The following TRPC5 variants were observed in gnomAD, a reference collection of about 807,000 sequenced individuals.
The protein encoded by TRPC5 is transient receptor potential cation channel subfamily C member 5, also known as short transient receptor potential channel 5.
In TRPC5, 9 loss-of-function variants were observed where a neutral mutation model predicts 56.5. The ratio of observed to expected loss-of-function variants is 0.16; its 90% CI spans 0.10 to 0.28. The LOEUF (loss-of-function observed/expected upper bound fraction) is 0.28. Among genes scored for constraint, TRPC5 ranks in the 10% least tolerant of loss-of-function variants. The probability of loss-of-function intolerance (pLI) is 1.00; values close to 1 mark genes in which losing one functional copy is unlikely to be tolerated. For synonymous variants in TRPC5, 282 were observed against 278.5 expected, an observed-to-expected ratio of 1.01 and a Z score of -0.13; for missense variants, 469 against 748.9, an observed-to-expected ratio of 0.63 and a Z score of 4.36.
At chrX:112,060,886 A>G (rs1350716931) in intron 1 of TRPC5, among the ~76,000 whole-genome samples, 1 of 112,223 alleles carries the variant, frequency 8.9e-6, no homozygotes, top group Non-Finnish European at 1.9e-5. Context: ...TCCTCTGTGA[A>G]ATGGGGAAAA....
intron 1 of TRPC5, among the ~76,000 whole-genome samples, chrX:111,969,844 A>G (rs1927731433): frequency 9.0e-6 from 1 of 111,045 alleles, no homozygotes; most frequent in African/African-American, 3.3e-5. Flanking sequence ...TAGGCATTGA[A>G]GAGACACTCT....
intron 3 of TRPC5, among the ~76,000 whole-genome samples, chrX:111,886,078 G>A (rs749596050): frequency 5.6e-4 from 62 of 111,676 alleles, no homozygotes; most frequent in South Asian, 2.3e-3. Context: ...TCAGGGGTTC[G>A]AGAAAAGCCT....
At chrX:111,982,925 A>C (rs1225428574) in intron 1 of TRPC5, among the ~76,000 whole-genome samples, 2 of 111,150 alleles carry the variant, frequency 1.8e-5, no homozygotes, top group Non-Finnish European at 3.8e-5. Flanking sequence ...GCTGATTCAG[A>C]GCATATAGAC....
Position 111,974,413 on chromosome X carries a change from C to A in TRPC5, c.-21-21972G>T, listed in dbSNP as rs1236163925. 1.3e-4 allele frequency among the ~76,000 whole-genome samples: 14 copies of A among 111,060 alleles called. No homozygotes were observed. The Admixed American group carries it at 1.3e-3, about 11-fold the overall frequency. On this transcript the variant is annotated intron_variant, in intron 1 of 10. Transcript: ENST00000262839. ...CATAGGTATTAAGGAGAACATTAAT[C>A]TGTTCCCCCATAAAAGCAATGAGAA...
intron 7 of TRPC5, among the ~76,000 whole-genome samples, chrX:111,808,169 A>G (rs1297031533): frequency 9.2e-6 from 1 of 109,150 alleles, no homozygotes; most frequent in Non-Finnish European, 1.9e-5. Context: ...GGGCTCTACA[A>G]TCGGCAGGTG....
At chrX:111,873,232 A>C (rs1923815734) in intron 3 of TRPC5, among the ~76,000 whole-genome samples, 1 of 112,128 alleles carries the variant, frequency 8.9e-6, no homozygotes, top group Non-Finnish European at 1.9e-5. Context: ...GTAATTCCTA[A>C]GCAAACTAAC....
chrX:112,016,235 G>C (rs748504261), intron 1 of TRPC5, among the ~76,000 whole-genome samples: 66 of 111,100 alleles, frequency 5.9e-4, no homozygotes, highest in Non-Finnish European at 1.1e-3. Context: ...GGCGGCTCCT[G>C]CATTTGCCAT....
chrX:111,806,829 T>C (rs1026992778), intron 7 of TRPC5, among the ~76,000 whole-genome samples: 2 of 111,323 alleles, frequency 1.8e-5, no homozygotes, highest in African/African-American at 6.5e-5. Flanking sequence ...AGGATATTTT[T>C]TCACTGGGTA....
At position 111,846,934 on chromosome X, in the gene TRPC5, C is replaced by G. The variant is rs1194087579; in HGVS notation, c.1700+180G>C. The stretch of plus-strand genomic sequence containing the variant: ...TAACTTCACTTCATCCCCTAGTACC[C>G]TGTAGCAAGAGAAGAACATTCCTCC... On this transcript the variant is annotated intron_variant, in intron 6 of 10. Transcript: ENST00000262839. 3.6e-5 allele frequency among the ~76,000 whole-genome samples: 4 copies of G among 111,500 alleles called. No individual in the cohort carries two copies. In the Admixed American group the frequency reaches 3.8e-4, roughly 11 times the overall value.
intron 1 of TRPC5, among the ~76,000 whole-genome samples, chrX:112,051,220 G>T (rs1930203965): frequency 8.9e-6 from 1 of 112,226 alleles, no homozygotes; most frequent in Non-Finnish European, 1.9e-5. Flanking sequence ...CTCCTTCGAG[G>T]TTTCATTTCC....
intron 7 of TRPC5, among the ~76,000 whole-genome samples, chrX:111,788,616 G>T (rs1945990389): frequency 8.9e-6 from 1 of 111,814 alleles, no homozygotes; most frequent in Non-Finnish European, 1.9e-5. Context: ...AAATGAGGAA[G>T]TCAAATTGTC....
chrX:112,004,111 G>C (rs1440645510), intron 1 of TRPC5, among the ~76,000 whole-genome samples: 2 of 112,200 alleles, frequency 1.8e-5, no homozygotes, highest in African/African-American at 3.2e-5. Flanking sequence ...GAAGCTTAGT[G>C]ATTTTGCAGT....
chrX:112,034,530 T>A (rs1929677549), intron 1 of TRPC5, among the ~76,000 whole-genome samples: 1 of 110,998 alleles, frequency 9.0e-6, no homozygotes, highest in African/African-American at 3.3e-5. Context: ...TTTTTCTGCA[T>A]CATTTGAGAT....
chrX:111,776,699 C>T lies in TRPC5; in HGVS notation c.2536G>A (p.Gly846Ser). The change falls in exon 11 of 11, where the codon GGT becomes AGT. Residue 846 changes from glycine (G) to serine (S), a missense_variant. Gly to Ser is a moderately conservative substitution (Grantham distance 56). Coordinates refer to ENST00000262839, the MANE Select transcript of TRPC5 (RefSeq NM_012471.3). ...CCATTAAATTTGGAGAATAGGAGAC[C>T]CAGTTTCTTGAGAGAAGGACCCATG... ...SFMGPSLKKL[G>S]LLFSKFNGHM... 8.3e-7 allele frequency: 1 copy of T among 1,211,415 alleles called. No individual in the cohort carries two copies.
At chrX:111,963,228 A>G (rs1927443423) in intron 1 of TRPC5, among the ~76,000 whole-genome samples, 1 of 112,066 alleles carries the variant, frequency 8.9e-6, no homozygotes. Flanking sequence ...GCTGATTGCT[A>G]GCACAGCCAT....
At chrX:111,950,365 T>C (rs1457409654) in intron 2 of TRPC5, among the ~76,000 whole-genome samples, 2 of 110,655 alleles carry the variant, frequency 1.8e-5, no homozygotes, top group African/African-American at 3.3e-5. Context: ...TGCAGCAACC[T>C]GGATGAGACT....
rs1346981739 is a variant in TRPC5 at position 111,875,695 on chromosome X, TC to T, written c.901-21590del. Reference sequence around the variant, plus strand: ...TTAAAGATTGCAGTTTATGCTGACCTCCCCATTCTCCTAGTTCCTGCAGCAA... The same window carrying T: ...TTAAAGATTGCAGTTTATGCTGACCTCCCATTCTCCTAGTTCCTGCAGCAA... On this transcript the variant is annotated intron_variant, in intron 3 of 10. Transcript: ENST00000262839. Among the ~76,000 whole-genome samples the T allele has an allele frequency of 2.8e-5, 3 of 106,387 alleles. No individual in the cohort carries two copies. The East Asian group carries it at 9.1e-4, about 32-fold the overall frequency. The allele number at this position is 106,387 out of a possible 115,157, so 92.4% of individuals were successfully genotyped here.
chrX:111,978,169 T>C (rs961608535), intron 1 of TRPC5, among the ~76,000 whole-genome samples: 14 of 112,152 alleles, frequency 1.2e-4, no homozygotes, highest in African/African-American at 4.5e-4. Context: ...TTCACTCCTA[T>C]GTTCATTGCA....
chrX:111,909,352 AAATAAATT>A (rs1418093736), intron 3 of TRPC5, among the ~76,000 whole-genome samples: 3 of 95,730 alleles, frequency 3.1e-5, no homozygotes, highest in African/African-American at 7.1e-5. Context: ...ATAAATAAAT[AAATAAATT>A]AATTAATTAA....
Sources: allele counts gnomAD v4.1 joint callset (sites outside exome capture counted in the v4.1 genomes callset), GRCh38; gene constraint gnomAD v4.1.1; transcripts MANE v1.5; gene names NCBI Gene and HGNC (gene_info 2026-07-23, HGNC 2026-07-21).